The following PAK4 variants were observed in gnomAD, a reference collection of about 807,000 sequenced individuals.
PAK4 encodes p21 (RAC1) activated kinase 4.
PAK4 carries 49 observed loss-of-function variants against 53.5 expected under a neutral mutation model. That is an observed-to-expected ratio of 0.92 (90% CI 0.73 to 1.16). The LOEUF (loss-of-function observed/expected upper bound fraction) is 1.16. Among genes scored for constraint, PAK4 ranks in the 50% most tolerant of loss-of-function variants. The probability of loss-of-function intolerance (pLI) is 0.00; values close to 1 mark genes in which losing one functional copy is unlikely to be tolerated. For missense variants in PAK4, 824 were observed against 850.7 expected (o/e 0.97, Z 0.39); for synonymous variants, 376 against 375.6 (o/e 1.00, Z -0.01).
At chr19:39,174,910 A>G (rs2144865501) in intron 4 of PAK4, 21 bp from the exon 6 acceptor site, 1 of 1,613,086 alleles carries the variant, frequency 6.2e-7, no homozygotes, top group African/African-American at 1.3e-5. Context: ...TCCCTCCACC[A>G]CTGACCCAGC....
chr19:39,172,988 T>A, exon 3 of PAK4: 1 of 1,550,224 alleles, frequency 6.5e-7, no homozygotes, highest in Non-Finnish European at 8.7e-7. Flanking sequence ...TTTGAGAACA[T>A]GTCGGTGACA....
chr19:39,146,861 G>T, intron 1 of PAK4, among the ~76,000 whole-genome samples: 1 of 151,168 alleles, frequency 6.6e-6, no homozygotes, highest in South Asian at 2.1e-4. Context: ...GAAAGAGAGA[G>T]AGGGAGAAAG....
At chr19:39,150,405 G>C (rs1023840212) in intron 1 of PAK4, among the ~76,000 whole-genome samples, 3 of 152,130 alleles carry the variant, frequency 2.0e-5, no homozygotes, top group African/African-American at 7.2e-5. Flanking sequence ...TCCTCAGCCC[G>C]TGTCTGACTC....
In PAK4 at chr19:39,138,606, C is replaced by T. The variant is rs192307346; in HGVS notation, c.-23+12687C>T. Reference sequence around the variant, plus strand: ...TGTGCCCTCCACTCCCACAAGATGCCGTGCACCCTGGGTTTAGCCTTGCTG... The same window carrying T: ...TGTGCCCTCCACTCCCACAAGATGCTGTGCACCCTGGGTTTAGCCTTGCTG... On this transcript the variant is annotated intron_variant, in intron 1 of 8. Transcript: ENST00000358301. Among the ~76,000 whole-genome samples the T allele has an allele frequency of 6.9e-3, 1,048 of 152,328 alleles. 15 individuals are homozygous for T. The highest frequency in any genetic ancestry group is 0.024 in the African/African-American group (984 of 41,576).
chr19:39,127,228 T>C (rs895945461), intron 1 of PAK4, among the ~76,000 whole-genome samples: 1 of 152,026 alleles, frequency 6.6e-6, no homozygotes, highest in African/African-American at 2.4e-5. Context: ...AAGCTCTCAC[T>C]GTGGTCCTTA....
At chr19:39,160,233 T>A (rs1348332221) in intron 1 of PAK4, among the ~76,000 whole-genome samples, 1 of 152,196 alleles carries the variant, frequency 6.6e-6, no homozygotes, top group African/African-American at 2.4e-5. Context: ...CTCGGCCCCA[T>A]CCCCGTGCCC....
At chr19:39,163,162 G>A (rs1158360172) in intron 1 of PAK4, among the ~76,000 whole-genome samples, 1 of 152,224 alleles carries the variant, frequency 6.6e-6, no homozygotes, top group Non-Finnish European at 1.5e-5. Context: ...CCCAGAGCTG[G>A]TAGGTGAAGA....
intron 1 of PAK4, among the ~76,000 whole-genome samples, chr19:39,163,331 C>T (rs905532155): frequency 2.6e-5 from 4 of 152,196 alleles, no homozygotes; most frequent in Non-Finnish European, 5.9e-5. Context: ...CCCTGGGCCC[C>T]TGTGTTCTGG....
In PAK4 at chr19:39,135,483, G is replaced by A. The variant is rs530849104; in HGVS notation, c.-23+9564G>A. On this transcript the variant is annotated intron_variant, in intron 1 of 8. Coordinates refer to ENST00000358301, the Ensembl canonical transcript of PAK4. ...CTCAAGTAGCTGGGATTACAGGCAT[G>A]TGCCACCACGCACGGCTAATTTTGT... Among the ~76,000 whole-genome samples the A allele has an allele frequency of 2.6e-5, 4 of 151,876 alleles. No individual in the cohort carries two copies. The East Asian group carries it at 7.8e-4, about 30-fold the overall frequency.
chr19:39,135,324 C>CTTTTTTTT (rs559171888), intron 1 of PAK4: 8 of 88,366 alleles, frequency 9.1e-5, no homozygotes, highest in Non-Finnish European at 1.0e-4. Flanking sequence ...AGTGCTTATT[C>CTTTTTTTT]TTTTTTTTTT....
rs1159230715 is a variant in PAK4 at position 39,177,680 on chromosome 19, C to CT, written c.1491_1492insT (p.Ile498TyrfsTer10). On this transcript the variant is annotated frameshift_variant, in exon 8 of 9. Transcript: ENST00000358301. LOFTEE classifies it high-confidence loss of function. ...TGTCCCTTCTCCCGCCCCAGGTAGA[C>CT]ATCTGGTCGCTGGGGATAATGGTGA... 6.2e-7 allele frequency: 1 copy of CT among 1,612,598 alleles called. No individual in the cohort carries two copies. The highest frequency in any genetic ancestry group is 1.7e-5 in the Admixed American group (1 of 59,850).
chr19:39,178,533 C>A lies in PAK4; in HGVS notation c.1730C>A (p.Pro577Gln). The A allele has an allele frequency of 6.2e-7, 1 of 1,610,864 alleles. No individual in the cohort carries two copies. Among genetic ancestry groups the A allele is most frequent in the Non-Finnish European group, 8.5e-7 (1 of 1,178,992 alleles). ...CACCCATTCCTGGCCAAGGCAGGGC[C>A]GCCTGCCAGCATCGTGCCCCTCATG... Residue 577 changes from proline to glutamine, a missense_variant, in exon 9 of 9, where the codon CCG (proline) becomes CAG (glutamine). By Grantham distance (76) the Pro-to-Gln change is moderately conservative (BLOSUM62 -1). Coordinates refer to ENST00000358301, the Ensembl canonical transcript of PAK4. This position sits in a 1 kb window ranked among gnomAD's most constrained non-coding sequence, Gnocchi z 4.4.
At position 39,161,517 on chromosome 19, in the gene PAK4, G is replaced by C. The variant is rs1181423886; in HGVS notation, c.-22-8015G>C. Among the ~76,000 whole-genome samples, 2 of 151,114 alleles carry C rather than the reference G, an allele frequency of 1.3e-5. No homozygotes were observed. The highest frequency in any genetic ancestry group is 1.3e-4 in the Admixed American group (2 of 15,188). The stretch of plus-strand genomic sequence containing the variant: ...AGCCCCCACAAGGTCCTGCCCCCTT[G>C]ATTTCCACTGGGCCATCACAGCCTC... On this transcript the variant is annotated intron_variant, in intron 1 of 8. Transcript: ENST00000358301. The surrounding 1 kb of genome is among the most constrained non-coding windows in gnomAD (Gnocchi z 4.5).
intron 8 of PAK4, 60 bp downstream of exon 9, chr19:39,177,869 G>T: frequency 6.4e-7 from 1 of 1,555,154 alleles, no homozygotes; most frequent in South Asian, 1.2e-5. Context: ...GGCTCCAGGT[G>T]GAGCATGGGG....
chr19:39,131,976 C>T, intron 1 of PAK4, among the ~76,000 whole-genome samples: 1 of 152,176 alleles, frequency 6.6e-6, no homozygotes, highest in Admixed American at 6.5e-5. Flanking sequence ...TCAGTAAGTG[C>T]TTGGTAAATG....
At chr19:39,168,750 C>T (rs1309505371) in intron 1 of PAK4, 2 of 152,246 alleles carry the variant, frequency 1.3e-5, no homozygotes, top group Non-Finnish European at 2.9e-5. Flanking sequence ...GACCACAGAT[C>T]CTAAAGATAG....
chr19:39,182,417 A>G (rs1274603798), downstream of PAK4: 1 of 152,184 alleles, frequency 6.6e-6, no homozygotes, highest in Non-Finnish European at 1.5e-5. Flanking sequence ...CTTTCATTAG[A>G]TTTGCTGGGC....
In PAK4 at chr19:39,173,669, G is replaced by T; in HGVS notation, c.757G>T (p.Ala253Ser). 6.3e-7 allele frequency: 1 copy of T among 1,584,334 alleles called. No individual in the cohort carries two copies. The highest frequency in any genetic ancestry group is 8.6e-7 in the Non-Finnish European group (1 of 1,163,668). ...CTCCTCCTCCCGGCCTCCCACCCGA[G>T]CCCGAGGTGCCCCCAGCCCTGGAGT... is the stretch of plus-strand genomic sequence containing the variant. The change falls in exon 4 of 9, where the codon GCC (alanine) becomes TCC (serine). Residue 253 changes from alanine (A) to serine (S), a missense_variant. Ala to Ser is a moderately conservative substitution (Grantham distance 99). Transcript: ENST00000358301. This position sits in a 1 kb window ranked among gnomAD's most constrained non-coding sequence, Gnocchi z 6.9.
At chr19:39,169,393 G>T in intron 1 of PAK4, 139 bp from the exon 3 acceptor site, 3 of 658,558 alleles carry the variant, frequency 4.6e-6, no homozygotes, top group South Asian at 3.6e-5. Context: ...GGCGCAGGGG[G>T]TGGGCAGGGA....
Sources: gnomAD v4.1 joint callset for allele counts (sites outside exome capture counted in the v4.1 genomes callset) on GRCh38, gnomAD v4.1.1 for gene constraint, Gnocchi (gnomAD v3.1) non-coding constraint, MANE v1.5 for transcripts, NCBI Gene and HGNC (gene_info 2026-07-23, HGNC 2026-07-21) for gene names.